Variants in DNPEP observed in about 807,000 individuals in gnomAD.
The protein encoded by DNPEP is aspartyl aminopeptidase.
In DNPEP, 46 loss-of-function variants were observed where a neutral mutation model predicts 59.1. The observed-to-expected ratio is 0.78, with a 90% confidence interval of 0.61 to 0.99. The LOEUF is 0.99. Ranked by LOEUF, DNPEP falls within the 50% of genes least tolerant of loss-of-function variation. The pLI, the probability that DNPEP is intolerant of heterozygous loss-of-function variation, is 0.00. For missense variants in DNPEP, 617 were observed against 649.9 expected (o/e 0.95, Z 0.55); for synonymous variants, 229 against 242.2 (o/e 0.95, Z 0.50).
intron 1 of DNPEP, chr2:219,399,902 C>A: frequency 6.4e-7 from 1 of 1,550,590 alleles, no homozygotes; most frequent in Non-Finnish European, 8.7e-7. Flanking sequence ...TGGGGACGAA[C>A]ATGATGGAGA....
At chr2:219,374,467 G>T in intron 14 of DNPEP, 125 bp from the exon 15 acceptor site, 1 of 852,424 alleles carries the variant, frequency 1.2e-6, no homozygotes, top group Non-Finnish European at 1.9e-6. Flanking sequence ...GTTCTTGACA[G>T]CCACCCCAGT....
In DNPEP at chr2:219,373,040, T is replaced by C. The variant is rs1574964244; in HGVS notation, c.*1252A>G. On this transcript the variant is annotated 3_prime_UTR_variant, in exon 15 of 15. Coordinates refer to ENST00000273075, the MANE Select transcript of DNPEP (RefSeq NM_012100.4). ...AATTATTTTAGTGGAAGGAAGGAGGTTGGTTTATAAGCAGGCTTTGACTTT... is the reference window on the plus strand; with the variant it reads ...AATTATTTTAGTGGAAGGAAGGAGGCTGGTTTATAAGCAGGCTTTGACTTT... Among the ~76,000 whole-genome samples the C allele has an allele frequency of 6.6e-6, 1 of 151,726 alleles. No homozygotes were observed. The highest frequency in any genetic ancestry group is 1.5e-5 in the Non-Finnish European group (1 of 67,914).
chr2:219,394,438 A>T (rs891946793), intron 1 of DNPEP, among the ~76,000 whole-genome samples: 2 of 151,910 alleles, frequency 1.3e-5, no homozygotes, highest in African/African-American at 4.8e-5. Context: ...TTATTATTTT[A>T]TTATATTCAT....
upstream of DNPEP, chr2:219,388,748 C>T: frequency 2.0e-6 from 2 of 985,524 alleles, no homozygotes; most frequent in Non-Finnish European, 2.4e-6. Context: ...GCCACAGCCA[C>T]CTTTGTGACA....
chr2:219,384,691 C>G, intron 8 of DNPEP: 1 of 364,502 alleles, frequency 2.7e-6, no homozygotes, highest in Non-Finnish European at 5.2e-6. Context: ...GCCTCAGCCT[C>G]CTGAGTAGCT....
At chr2:219,399,957 G>A in exon 1 of DNPEP, 2 of 1,539,512 alleles carry the variant, frequency 1.3e-6, no homozygotes, top group African/African-American at 1.4e-5. Context: ...CAAGGCTGGA[G>A]TGGACAGGCC....
At position 219,398,378 on chromosome 2, in the gene DNPEP, G is replaced by C. The variant is rs528172131; in HGVS notation, c.-158+1562C>G. On this transcript the variant is annotated intron_variant, in intron 1 of 6. Coordinates refer to the DNPEP transcript ENST00000434339. ...ATAATAGTAACTTGGGGCCGGGCGCGTTGGCTCACGCCTGTAATCCCAGCA... is the reference window on the plus strand; with the variant it reads ...ATAATAGTAACTTGGGGCCGGGCGCCTTGGCTCACGCCTGTAATCCCAGCA... Among the ~76,000 whole-genome samples, 36 of 152,320 alleles carry C rather than the reference G, an allele frequency of 2.4e-4. No individual in the cohort carries two copies. The South Asian group carries it at 7.0e-3, about 30-fold the overall frequency.
chr2:219,386,137 T>C, intron 5 of DNPEP, 39 bp from the exon 6 acceptor site: 2 of 1,612,122 alleles, frequency 1.2e-6, no homozygotes, highest in Non-Finnish European at 1.7e-6. Context: ...GGGTGCCTCC[T>C]ACCCCAGTGG....
Position 219,383,817 on chromosome 2 carries a change from G to A in DNPEP, c.852+549C>T, listed in dbSNP as rs1953699364. Among the ~76,000 whole-genome samples, 3 of 152,142 alleles carry A rather than the reference G, an allele frequency of 2.0e-5. No individual in the cohort carries two copies. The South Asian group carries it at 6.2e-4, about 32-fold the overall frequency. On this transcript the variant is annotated intron_variant, in intron 9 of 14. Transcript: ENST00000273075. ...GCCCAAAGCCTATCTCCAGCCACAGGATTACAGGGAAGGAAAGGCAGAAAA... is the reference window on the plus strand; with the variant it reads ...GCCCAAAGCCTATCTCCAGCCACAGAATTACAGGGAAGGAAAGGCAGAAAA...
In DNPEP at chr2:219,387,876, C is replaced by G. The variant is rs931859598; in HGVS notation, c.-82G>C. Reference sequence around the variant, plus strand: ...TTTGCAGGTCCCCCGCGTGCCCCTTCAGGCCGCGCCGCACTCGTAGGCCTT... The same window carrying G: ...TTTGCAGGTCCCCCGCGTGCCCCTTGAGGCCGCGCCGCACTCGTAGGCCTT... On this transcript the variant is annotated 5_prime_UTR_variant, in exon 1 of 15. It removes the in-frame stop codon of an upstream open reading frame in the 5' UTR. Coordinates refer to ENST00000273075, the MANE Select transcript of DNPEP (RefSeq NM_012100.4). 2.1e-6 allele frequency: 3 copies of G among 1,459,894 alleles called. No individual in the cohort carries two copies. The African/African-American group carries it at 4.5e-5, about 22-fold the overall frequency. 90.4% of individuals were successfully genotyped at this position (1,459,894 alleles called of 1,614,324 possible).
In DNPEP at chr2:219,380,521, C is replaced by G. The variant is rs142710627; in HGVS notation, c.1239+814G>C. Among the ~76,000 whole-genome samples, 928 of 152,234 alleles carry G rather than the reference C, an allele frequency of 6.1e-3. 3 individuals are homozygous for G. Among genetic ancestry groups the G allele is most frequent in the South Asian group, 9.9e-3 (48 of 4,826 alleles). On this transcript the variant is annotated intron_variant, in intron 13 of 14. Coordinates refer to ENST00000273075, the MANE Select transcript of DNPEP (RefSeq NM_012100.4). ...ACAGGTGTGAGCCAACACGCCTGGC[C>G]TTCTGTACCTTTTCTATGTTTAGAT... is the stretch of plus-strand genomic sequence containing the variant.
At chr2:219,381,254 C>T in intron 13 of DNPEP, 81 bp downstream of exon 13, 1 of 1,260,024 alleles carries the variant, frequency 7.9e-7, no homozygotes, top group South Asian at 1.2e-5. Context: ...CTACCAGGTT[C>T]CCTGTTCATG....
chr2:219,396,486 G>A (rs762478063), intron 1 of DNPEP, among the ~76,000 whole-genome samples: 4 of 151,978 alleles, frequency 2.6e-5, no homozygotes, highest in Admixed American at 6.6e-5. Context: ...TACTAGGGAG[G>A]CTGAGGCAGG....
chr2:219,382,267 C>T, intron 10 of DNPEP, 128 bp from the exon 11 acceptor site: 1 of 1,067,930 alleles, frequency 9.4e-7, no homozygotes, highest in Admixed American at 2.5e-5. Context: ...TTAGCAACAC[C>T]CCTAACCTGG....
At chr2:219,387,049 C>T (rs749777825) in intron 2 of DNPEP, 21 bp downstream of exon 2, 4 of 1,611,048 alleles carry the variant, frequency 2.5e-6, no homozygotes, top group Non-Finnish European at 3.4e-6. Flanking sequence ...ACCCTCCTCC[C>T]TTGCCCTGGC....
At chr2:219,378,182 C>A (rs930088715) in intron 13 of DNPEP, among the ~76,000 whole-genome samples, 1 of 152,186 alleles carries the variant, frequency 6.6e-6, no homozygotes, top group Admixed American at 6.5e-5. Flanking sequence ...AAAGAAAAAT[C>A]TCCCAATGTC....
At position 219,385,411 on chromosome 2, in the gene DNPEP, A is replaced by C; in HGVS notation, c.774+13T>G. Reference sequence around the variant, plus strand: ...AGGCCCTTCACCCACAGGTTCCTACAGCCAGTCCTCACCGCAGGCTGGGTG... The same window carrying C: ...AGGCCCTTCACCCACAGGTTCCTACCGCCAGTCCTCACCGCAGGCTGGGTG... On this transcript the variant is annotated intron_variant, in intron 8 of 14. Transcript: ENST00000273075. 1 of 1,597,346 alleles carries C rather than the reference A, an allele frequency of 6.3e-7. No homozygotes were observed. The highest frequency in any genetic ancestry group is 8.6e-7 in the Non-Finnish European group (1 of 1,165,368).
upstream of DNPEP, chr2:219,388,573 C>T: frequency 2.4e-6 from 1 of 424,856 alleles, no homozygotes; most frequent in Non-Finnish European, 3.2e-6. Flanking sequence ...CCCCGTCACC[C>T]ACGCCGCGCG....
chr2:219,378,188 A>G (rs1236879167), intron 13 of DNPEP, among the ~76,000 whole-genome samples: 1 of 152,194 alleles, frequency 6.6e-6, no homozygotes, highest in Non-Finnish European at 1.5e-5. Flanking sequence ...AAATCTCCCA[A>G]TGTCTTCTCA....
Sources: allele counts gnomAD v4.1 joint callset (sites outside exome capture counted in the v4.1 genomes callset), GRCh38; gene constraint gnomAD v4.1.1; transcripts MANE v1.5; gene names NCBI Gene and HGNC (gene_info 2026-07-23, HGNC 2026-07-21).